The following CTSS variants were observed in gnomAD, a reference collection of about 807,000 sequenced individuals.
CTSS encodes the protein cathepsin S.
CTSS carries 15 observed loss-of-function variants against 39.9 expected under a neutral mutation model. That is an observed-to-expected ratio of 0.38 (90% confidence interval 0.25 to 0.58). The LOEUF is 0.58. CTSS is among the 20% of genes least tolerant of loss of function. The pLI is 0.70. For synonymous variants in CTSS, 126 were observed against 138.2 expected, an observed-to-expected ratio of 0.91 and a Z score of 0.62; for missense variants, 250 against 398.2, an observed-to-expected ratio of 0.63 and a Z score of 3.17.
chr1:150,736,837 A>C (rs587741913), intron 7 of CTSS, among the ~76,000 whole-genome samples: 1 of 152,270 alleles, frequency 6.6e-6, no homozygotes, highest in South Asian at 2.1e-4. Context: ...AGAATTATAC[A>C]AGATCTGCTC....
At chr1:150,743,679 T>A (rs1385359683) in intron 7 of CTSS, among the ~76,000 whole-genome samples, 1 of 64,358 alleles carries the variant, frequency 1.6e-5, no homozygotes, top group African/African-American at 5.5e-5. Context: ...ATATTATATA[T>A]TATATGTATA....
At chr1:150,749,557 A>ACCCCGCCCCGCTTCACCCCGCCCCG (rs1652962354) in intron 6 of CTSS, among the ~76,000 whole-genome samples, 1 of 144,076 alleles carries the variant, frequency 6.9e-6, no homozygotes, top group South Asian at 2.2e-4. Context: ...GCCTCGCCTC[A>ACCCCGCCCCGCTTCACCCCGCCCCG]CCCCGCCCCG....
intron 5 of CTSS, among the ~76,000 whole-genome samples, chr1:150,751,205 G>A (rs1360741905): frequency 6.6e-6 from 1 of 152,090 alleles, no homozygotes; most frequent in Non-Finnish European, 1.5e-5. Context: ...GGCTGCAGAA[G>A]AAAAAGTTTA....
At position 150,750,070 on chromosome 1, in the gene CTSS, G is replaced by A. The variant is rs372474770; in HGVS notation, c.729C>T (p.Ala243=). Residue 243 remains alanine, a synonymous_variant, in exon 6 of 8, where the codon GCC becomes GCT. Transcript: ENST00000368985. ...GREDVLKEAV[A]NKGPVSVGVD... is the part of the protein sequence containing the mutation. ...CACCAACAGACACTGGGCCTTTATT[G>A]GCCACAGCTTCTTTCAGGACATCTT... is the stretch of plus-strand genomic sequence containing the variant. The A allele has an allele frequency of 3.7e-6, 6 of 1,613,762 alleles. No homozygotes were observed. The African/African-American group carries it at 8.0e-5, about 22-fold the overall frequency.
intron 6 of CTSS, 186 bp from the exon 7 acceptor site, chr1:150,748,065 G>T (rs1652926835): frequency 2.0e-6 from 1 of 491,412 alleles, no homozygotes; most frequent in Admixed American, 3.8e-5. Flanking sequence ...GCCAAGGCGG[G>T]CGGGTCACAA....
intron 4 of CTSS, among the ~76,000 whole-genome samples, chr1:150,753,928 G>T (rs925285611): frequency 6.7e-6 from 1 of 149,268 alleles, no homozygotes; most frequent in South Asian, 2.2e-4. Flanking sequence ...GCAACAGAGG[G>T]AGACCCTGTC....
intron 7 of CTSS, among the ~76,000 whole-genome samples, chr1:150,744,898 T>C (rs1652862189): frequency 6.6e-6 from 1 of 151,780 alleles, no homozygotes; most frequent in African/African-American, 2.4e-5. Flanking sequence ...AAGATATAGA[T>C]GATCTTCAAG....
chr1:150,744,574 A>T (rs1453901244), intron 7 of CTSS, among the ~76,000 whole-genome samples: 1 of 118,194 alleles, frequency 8.5e-6, no homozygotes, highest in Non-Finnish European at 1.7e-5. Context: ...ATGTATACAT[A>T]ATATATTATA....
intron 3 of CTSS, among the ~76,000 whole-genome samples, chr1:150,757,226 G>A (rs1653151789): frequency 6.6e-6 from 1 of 152,114 alleles, no homozygotes; most frequent in African/African-American, 2.4e-5. Flanking sequence ...AAAAGAGAAT[G>A]GTAAAAACTA....
chr1:150,744,599 ATTATGTATTATATTATATATTATGT>A (rs1244531379), intron 7 of CTSS, among the ~76,000 whole-genome samples: 23 of 120,354 alleles, frequency 1.9e-4, no homozygotes, highest in Middle Eastern at 4.4e-3. Flanking sequence ...ATATATGTAT[ATTATGTATTATATTATATATTATGT>A]ATATTATAGA....
At position 150,732,317 on chromosome 1, in the gene CTSS, A is replaced by T. The variant is rs148406315; in HGVS notation, c.*729T>A. 7 of 152,322 alleles carry T rather than the reference A, an allele frequency of 4.6e-5. No homozygotes were observed. The highest frequency in any genetic ancestry group is 1.7e-4 in the African/African-American group (7 of 41,582). 9.4% of individuals were successfully genotyped at this position (152,322 alleles called of 1,614,324 possible). A position where few individuals can be genotyped will look rare whatever the true frequency, so the allele number is the denominator to read the frequency against. On this transcript the variant is annotated 3_prime_UTR_variant, in exon 8 of 8. Coordinates refer to ENST00000368985, the MANE Select transcript of CTSS (RefSeq NM_004079.5). ...TAAACCCCATCACCAGAATACCACA[A>T]TTAATATTCTCAGGATAGATTATTA...
intron 7 of CTSS, among the ~76,000 whole-genome samples, chr1:150,736,129 A>T (rs905580419): frequency 1.3e-5 from 2 of 152,280 alleles, no homozygotes; most frequent in South Asian, 2.1e-4. Context: ...TTTAATATCC[A>T]GTTTGATAAG....
intron 2 of CTSS, among the ~76,000 whole-genome samples, chr1:150,759,930 G>A (rs762197583): frequency 1.3e-5 from 2 of 151,538 alleles, no homozygotes; most frequent in Non-Finnish European, 2.9e-5. Context: ...TGTTACCCCA[G>A]TAATGGACAT....
At chr1:150,750,313 C>A in intron 5 of CTSS, 142 bp from the exon 6 acceptor site, 1 of 576,200 alleles carries the variant, frequency 1.7e-6, no homozygotes, top group Non-Finnish European at 3.0e-6. Flanking sequence ...GCAAATCTTC[C>A]AAATCCTAAC....
chr1:150,746,197 C>G (rs771665847), intron 7 of CTSS, among the ~76,000 whole-genome samples: 3 of 152,150 alleles, frequency 2.0e-5, no homozygotes, highest in Non-Finnish European at 4.4e-5. Context: ...TGATCTTAGA[C>G]TTCCAGCCTC....
intron 3 of CTSS, among the ~76,000 whole-genome samples, chr1:150,756,130 C>A (rs1295945063): frequency 6.6e-6 from 1 of 151,924 alleles, no homozygotes; most frequent in African/African-American, 2.4e-5. Flanking sequence ...TTGTTAAAAA[C>A]TAAAATACAA....
intron 2 of CTSS, among the ~76,000 whole-genome samples, chr1:150,761,688 G>A (rs1347138863): frequency 6.6e-6 from 1 of 151,986 alleles, no homozygotes; most frequent in Non-Finnish European, 1.5e-5. Flanking sequence ...CAGAGGTCAC[G>A]CCACTGCACC....
intron 7 of CTSS, among the ~76,000 whole-genome samples, chr1:150,743,312 T>G (rs587640628): frequency 2.0e-5 from 3 of 151,598 alleles, no homozygotes; most frequent in Non-Finnish European, 4.4e-5. Context: ...TCTGGAAACT[T>G]GATTCAAATA....
chr1:150,737,361 C>A (rs587702054), intron 7 of CTSS, among the ~76,000 whole-genome samples: 1 of 152,214 alleles, frequency 6.6e-6, no homozygotes, highest in Admixed American at 6.5e-5. Flanking sequence ...CTCGGCCTCC[C>A]AAAGTGCTGG....
Sources: gnomAD v4.1 joint callset for allele counts (sites outside exome capture counted in the v4.1 genomes callset) on GRCh38, gnomAD v4.1.1 for gene constraint, MANE v1.5 for transcripts, NCBI Gene and HGNC (gene_info 2026-07-23, HGNC 2026-07-21) for gene names.